The following WDR4 variants were observed in gnomAD, a reference collection of about 807,000 sequenced individuals.
WDR4 encodes the protein tRNA (guanine-N(7)-)-methyltransferase non-catalytic subunit WDR4.
Under a neutral mutation model 48.6 loss-of-function variants are expected in WDR4, and 47 were observed. The observed-to-expected ratio is 0.97, with a 90% confidence interval of 0.77 to 1.23. The LOEUF (loss-of-function observed/expected upper bound fraction) is 1.23, where lower values mean the gene tolerates loss of function less well. Among genes scored for constraint, WDR4 ranks in the 50% most tolerant of loss-of-function variants. The probability of loss-of-function intolerance (pLI) is 0.00; values close to 1 mark genes in which losing one functional copy is unlikely to be tolerated. For missense variants in WDR4, 606 were observed against 551.6 expected (o/e 1.10, Z -0.99); for synonymous variants, 268 against 230.0 (o/e 1.17, Z -1.49).
At chr21:42,859,479 C>T (rs547740815) in intron 6 of WDR4, among the ~76,000 whole-genome samples, 183 bp downstream of exon 6, 157 of 152,172 alleles carry the variant, frequency 1.0e-3, no homozygotes, top group African/African-American at 3.6e-3. Context: ...GCACACCCCA[C>T]ACGCAGTCCT....
intron 10 of WDR4, among the ~76,000 whole-genome samples, chr21:42,850,451 G>A (rs750221343): frequency 3.3e-5 from 5 of 152,198 alleles, no homozygotes; most frequent in African/African-American, 7.2e-5. Context: ...CTAACAGAAC[G>A]GGGCAAAGAT....
At chr21:42,854,441 G>T (rs570346845) in intron 8 of WDR4, 121 bp downstream of exon 8, 181 of 984,242 alleles carry the variant, frequency 1.8e-4, no homozygotes, top group Non-Finnish European at 2.5e-4. Context: ...GGAGGTGCTA[G>T]ACCAATACCA....
intron 10 of WDR4, among the ~76,000 whole-genome samples, chr21:42,850,955 T>A (rs1013234873): frequency 6.6e-6 from 1 of 152,122 alleles, no homozygotes; most frequent in Non-Finnish European, 1.5e-5. Context: ...GCCTGAAGCC[T>A]GCCCATCCAG....
At chr21:42,885,956 A>AT in the WDR4 span, among the ~76,000 whole-genome samples, 29,540 of 122,778 alleles carry the variant, frequency 0.24, 4,775 homozygotes, top group African/African-American at 0.42. Context: ...CTCAGCATAG[A>AT]TTTTTTTTTT....
At chr21:42,868,544 T>A (rs1367787872) in intron 3 of WDR4, among the ~76,000 whole-genome samples, 1 of 152,162 alleles carries the variant, frequency 6.6e-6, no homozygotes, top group Non-Finnish European at 1.5e-5. Flanking sequence ...ACTCCTCAAA[T>A]GGTGTCTGGT....
intron 3 of WDR4, among the ~76,000 whole-genome samples, chr21:42,864,372 C>T (rs987505245): frequency 7.2e-5 from 11 of 152,018 alleles, no homozygotes; most frequent in African/African-American, 2.7e-4. Flanking sequence ...CCCAGCCTTG[C>T]CGCTCCCCTG....
At chr21:42,854,449 C>A in intron 8 of WDR4, 113 bp downstream of exon 8, 1 of 1,068,494 alleles carries the variant, frequency 9.4e-7, no homozygotes. Flanking sequence ...TAGACCAATA[C>A]CACCACCGTT....
chr21:42,861,955 C>T (rs1307510556), intron 5 of WDR4, among the ~76,000 whole-genome samples: 2 of 152,198 alleles, frequency 1.3e-5, no homozygotes, highest in Non-Finnish European at 2.9e-5. Context: ...CCAACACCCC[C>T]ACCACCCACC....
At chr21:42,844,087 G>C (rs1269466419) in intron 11 of WDR4, among the ~76,000 whole-genome samples, 1 of 152,156 alleles carries the variant, frequency 6.6e-6, no homozygotes, top group Non-Finnish European at 1.5e-5. Context: ...CAGCTTAAAA[G>C]ATCAGTGGGC....
exon 12 of WDR4, chr21:42,843,099 A>C (rs2057680514): frequency 6.6e-6 from 1 of 152,226 alleles, no homozygotes; most frequent in South Asian, 2.1e-4. Context: ...CCATGTTCCT[A>C]GTCAAAAATT....
intron 10 of WDR4, 30 bp from the exon 11 acceptor site, chr21:42,850,272 G>C (rs780882945): frequency 1.9e-6 from 3 of 1,562,082 alleles, no homozygotes; most frequent in African/African-American, 1.4e-5. Context: ...ACAGGTGCCA[G>C]GTGGGGCAGG....
rs537864999 is a variant in WDR4 at position 42,858,796 on chromosome 21, A to C, written c.627+866T>G. Among the ~76,000 whole-genome samples the C allele has an allele frequency of 4.6e-5, 7 of 152,320 alleles. No individual in the cohort carries two copies. The South Asian group carries it at 1.5e-3, about 32-fold the overall frequency. ...GCTGTGTGTTAATTTGAAGAGCAGG[A>C]ACAGGAGGCTGTGAATGAAGCCCAA... is the stretch of plus-strand genomic sequence containing the variant. On this transcript the variant is annotated intron_variant, in intron 6 of 10. Transcript: ENST00000398208.
chr21:42,859,619 GCTCA>G, intron 6 of WDR4, 39 bp downstream of exon 6: 1 of 608,974 alleles, frequency 1.6e-6, no homozygotes, highest in South Asian at 1.7e-5. Context: ...CTCCCTGCAG[GCTCA>G]AGAATCCAGA....
upstream of WDR4, among the ~76,000 whole-genome samples, chr21:42,880,665 C>G (rs77526836): frequency 1.3e-5 from 2 of 152,188 alleles, no homozygotes; most frequent in Non-Finnish European, 2.9e-5. Flanking sequence ...TATCTCAGCA[C>G]AGCTCTTGCC....
At chr21:42,892,220 C>T in the WDR4 span, among the ~76,000 whole-genome samples, 2 of 149,950 alleles carry the variant, frequency 1.3e-5, no homozygotes, top group South Asian at 2.1e-4. Context: ...CGCCACTGCA[C>T]GCCAGCCTGG....
chr21:42,845,668 G>C (rs1006990159), downstream of WDR4, among the ~76,000 whole-genome samples: 1 of 152,222 alleles, frequency 6.6e-6, no homozygotes, highest in Non-Finnish European at 1.5e-5. Flanking sequence ...AGTCGATCAT[G>C]AGCCGCCACA....
At chr21:42,869,009 C>CCG (rs1555979510) in intron 3 of WDR4, among the ~76,000 whole-genome samples, 3 of 152,074 alleles carry the variant, frequency 2.0e-5, no homozygotes, top group African/African-American at 7.2e-5. Context: ...ACTGCCCTGG[C>CCG]GGGGGGGAAC....
chr21:42,847,224 C>T (rs1325653646), downstream of WDR4, among the ~76,000 whole-genome samples: 1 of 152,106 alleles, frequency 6.6e-6, no homozygotes, highest in Non-Finnish European at 1.5e-5. Context: ...CAGAACAGAC[C>T]CAGTTGCGAG....
rs140048446 is a variant in WDR4 at position 42,862,304 on chromosome 21, A to T, written c.544T>A (p.Ser182Thr). 33 of 1,609,974 alleles carry T rather than the reference A, an allele frequency of 2.0e-5. No homozygotes were observed. The African/African-American group carries it at 4.1e-4, about 20-fold the overall frequency. Residue 182 changes from serine to threonine, a missense_variant, in exon 5 of 11, where the codon TCC becomes ACC. By Grantham distance (58) the Ser-to-Thr change is moderately conservative. Coordinates refer to ENST00000398208, the MANE Select transcript of WDR4 (RefSeq NM_018669.6). This position sits in a 1 kb window ranked among gnomAD's most constrained non-coding sequence, Gnocchi z 4.3. Reference protein sequence around the residue: ...SWAAAPHSIESFCLGHTEFVS... With the variant: ...SWAAAPHSIETFCLGHTEFVS... Reference sequence around the variant, plus strand: ...CACTCTGTGTGCCCCAAGCAGAAGGACTCGATGCTATGGGGCGCCGCGGCC... The same window carrying T: ...CACTCTGTGTGCCCCAAGCAGAAGGTCTCGATGCTATGGGGCGCCGCGGCC...
Sources: allele counts gnomAD v4.1 joint callset (sites outside exome capture counted in the v4.1 genomes callset), GRCh38; gene constraint gnomAD v4.1.1; non-coding constraint Gnocchi (gnomAD v3.1); transcripts MANE v1.5; gene names NCBI Gene and HGNC (gene_info 2026-07-23, HGNC 2026-07-21).